The following WWP2 variants were observed in gnomAD, a reference collection of about 807,000 sequenced individuals.
The protein encoded by WWP2 is NEDD4-like E3 ubiquitin-protein ligase WWP2.
A neutral mutation model predicts 121.0 loss-of-function variants in WWP2; 57 were observed. That is an observed-to-expected ratio of 0.47 (90% CI 0.38 to 0.59). WWP2 has a LOEUF of 0.59. Among genes scored for constraint, WWP2 ranks in the 20% least tolerant of loss-of-function variants. WWP2 has a pLI of 0.00. For synonymous variants in WWP2, 449 were observed against 441.3 expected, an observed-to-expected ratio of 1.02 and a Z score of -0.22; for missense variants, 962 against 1,158.9, an observed-to-expected ratio of 0.83 and a Z score of 2.47.
chr16:69,935,900 C>G lies in WWP2; in HGVS notation c.1890C>G (p.Phe630Leu). ...KFIDTGFTLP[F>L]YKRMLNKRPT... ...TCGACACGGGCTTCACCCTCCCTTT[C>G]TACAAGCGGATGCTCAATAAGAGAC... Residue 630 changes from phenylalanine (F) to leucine (L), a missense_variant, in exon 18 of 24, where the codon TTC becomes TTG. Phe to Leu is a conservative substitution (Grantham distance 22, BLOSUM62 0). Coordinates refer to ENST00000359154, the MANE Select transcript of WWP2 (RefSeq NM_001270454.2). The surrounding 1 kb of genome is among the most constrained non-coding windows in gnomAD (Gnocchi z 5.2). 6.2e-7 allele frequency: 1 copy of G among 1,614,096 alleles called. No homozygotes were observed. The highest frequency in any genetic ancestry group is 8.5e-7 in the Non-Finnish European group (1 of 1,180,028).
chr16:69,905,224 A>G (rs2058271043), intron 8 of WWP2, among the ~76,000 whole-genome samples: 1 of 152,190 alleles, frequency 6.6e-6, no homozygotes, highest in African/African-American at 2.4e-5. Flanking sequence ...AACTTGGTTA[A>G]ATTTATTTTG....
At chr16:69,807,174 T>C (rs1343396465) in intron 4 of WWP2, among the ~76,000 whole-genome samples, 1 of 151,930 alleles carries the variant, frequency 6.6e-6, no homozygotes, top group Non-Finnish European at 1.5e-5. Flanking sequence ...TAGCTGGGGT[T>C]ACAGGCACAC....
chr16:69,932,120 G>A (rs928551613), intron 16 of WWP2, among the ~76,000 whole-genome samples: 6 of 152,200 alleles, frequency 3.9e-5, no homozygotes, highest in Non-Finnish European at 7.3e-5. Flanking sequence ...ACCTGAGGTC[G>A]GGGGTTCGAG....
intron 6 of WWP2, among the ~76,000 whole-genome samples, chr16:69,865,410 G>A (rs2057503048): frequency 6.6e-6 from 1 of 152,084 alleles, no homozygotes; most frequent in Non-Finnish European, 1.5e-5. Context: ...AATTTTAAGA[G>A]TTCTCTATCA....
At chr16:69,793,845 A>G (rs2055966149) in intron 2 of WWP2, among the ~76,000 whole-genome samples, 1 of 149,748 alleles carries the variant, frequency 6.7e-6, no homozygotes, top group Admixed American at 6.7e-5. Flanking sequence ...CATAATCCTA[A>G]CCTTGTGGCT....
chr16:69,875,196 G>A (rs1156682482), intron 7 of WWP2, among the ~76,000 whole-genome samples: 2 of 152,240 alleles, frequency 1.3e-5, no homozygotes, highest in East Asian at 1.9e-4. Context: ...TAAAAGTTAT[G>A]TTTACACTAT....
intron 9 of WWP2, among the ~76,000 whole-genome samples, chr16:69,913,813 T>C (rs1224223906): frequency 1.3e-5 from 2 of 151,870 alleles, no homozygotes; most frequent in Non-Finnish European, 2.9e-5. Context: ...CTCACGCATG[T>C]AATCCCAGCA....
At chr16:69,900,958 T>A (rs1357457424) in intron 8 of WWP2, among the ~76,000 whole-genome samples, 1 of 152,138 alleles carries the variant, frequency 6.6e-6, no homozygotes, top group Non-Finnish European at 1.5e-5. Context: ...GTTGAGTTAT[T>A]AAAAGGTTAG....
intron 8 of WWP2, among the ~76,000 whole-genome samples, chr16:69,904,832 G>T (rs1318278489): frequency 6.6e-6 from 1 of 152,220 alleles, no homozygotes; most frequent in East Asian, 1.9e-4. Context: ...GAATGCCCGG[G>T]AGAGAAAACA....
At chr16:69,836,003 A>C (rs768844177) in intron 4 of WWP2, among the ~76,000 whole-genome samples, 1 of 151,984 alleles carries the variant, frequency 6.6e-6, no homozygotes, top group Non-Finnish European at 1.5e-5. Flanking sequence ...GGGTTTCACC[A>C]TGTTGGCCAG....
rs1040551690 is a variant in WWP2 at position 69,940,091 on chromosome 16, T to G, written c.*151T>G. ...TCATCTCGCTGCTGGCAGAAAAGCC[T>G]GATCCCAGGAGGCCCTGCAGTTCCC... On this transcript the variant is annotated 3_prime_UTR_variant, in exon 24 of 24. Coordinates refer to ENST00000359154, the MANE Select transcript of WWP2 (RefSeq NM_001270454.2). The G allele has an allele frequency of 1.1e-4, 74 of 657,884 alleles. No individual in the cohort carries two copies. The highest frequency in any genetic ancestry group is 3.9e-4 in the Admixed American group (13 of 33,124). 40.8% of individuals were successfully genotyped at this position (657,884 alleles called of 1,614,324 possible).
chr16:69,852,824 T>C (rs2057243603), intron 6 of WWP2, among the ~76,000 whole-genome samples: 1 of 152,252 alleles, frequency 6.6e-6, no homozygotes, highest in South Asian at 2.1e-4. Context: ...CAGTTTTATT[T>C]TTATATGGCC....
intron 4 of WWP2, among the ~76,000 whole-genome samples, chr16:69,806,527 T>C (rs1407055467): frequency 2.0e-5 from 3 of 152,220 alleles, no homozygotes; most frequent in Admixed American, 2.0e-4. Context: ...TAAAACCAAC[T>C]GGGTCTGGCA....
intron 9 of WWP2, among the ~76,000 whole-genome samples, chr16:69,913,872 C>A (rs2058437172): frequency 6.6e-6 from 1 of 151,530 alleles, no homozygotes; most frequent in Non-Finnish European, 1.5e-5. Context: ...AAGTTCGAGA[C>A]CAGCCTGGCC....
intron 7 of WWP2, among the ~76,000 whole-genome samples, chr16:69,872,165 C>T (rs1356810455): frequency 6.6e-6 from 1 of 152,142 alleles, no homozygotes; most frequent in Non-Finnish European, 1.5e-5. Context: ...CTAAAATACT[C>T]ATTTGCACAG....
Position 69,937,522 on chromosome 16 carries a change from G to A in WWP2, c.2239-26G>A, listed in dbSNP as rs766923221. 2.5e-6 allele frequency: 4 copies of A among 1,612,426 alleles called. No homozygotes were observed. The highest frequency in any genetic ancestry group is 3.4e-6 in the Non-Finnish European group (4 of 1,178,752). On this transcript the variant is annotated intron_variant, in intron 20 of 23. Transcript: ENST00000359154. The surrounding 1 kb of genome is among the most constrained non-coding windows in gnomAD (Gnocchi z 6.6). ...CGATGCGCGGGGAGGGACCTGCCGG[G>A]GATGCTGACTGCCGCCTCTCCCCAG...
intron 8 of WWP2, among the ~76,000 whole-genome samples, chr16:69,906,691 C>T (rs192618233): frequency 5.3e-5 from 8 of 152,212 alleles, no homozygotes; most frequent in Admixed American, 3.9e-4. Context: ...TCGAGACCAG[C>T]CTGGGCAAAG....
chr16:69,927,520 AAACTG>A (rs1434919352), intron 11 of WWP2, among the ~76,000 whole-genome samples: 5 of 152,244 alleles, frequency 3.3e-5, no homozygotes, highest in Admixed American at 6.5e-5. Flanking sequence ...CCCCCAACTG[AAACTG>A]AATGCCGCGA....
At chr16:69,932,299 C>A (rs2058728729) in intron 16 of WWP2, among the ~76,000 whole-genome samples, 2 of 152,222 alleles carry the variant, frequency 1.3e-5, no homozygotes, top group Admixed American at 6.5e-5. Context: ...CATTGCACTC[C>A]ATCCTGGGCA....
Sources: allele counts gnomAD v4.1 joint callset (sites outside exome capture counted in the v4.1 genomes callset), GRCh38; gene constraint gnomAD v4.1.1; non-coding constraint Gnocchi (gnomAD v3.1); transcripts MANE v1.5; gene names NCBI Gene and HGNC (gene_info 2026-07-23, HGNC 2026-07-21).